Variants in RABL2B observed in about 807,000 individuals in gnomAD.
RABL2B encodes RAB, member of RAS oncogene family like 2B.
RABL2B carries 17 observed loss-of-function variants against 26.7 expected under a neutral mutation model. The ratio of observed to expected loss-of-function variants is 0.64; its 90% confidence interval spans 0.44 to 0.95. The LOEUF (loss-of-function observed/expected upper bound fraction) is 0.95, where lower values mean the gene tolerates loss of function less well. Among genes scored for constraint, RABL2B ranks in the 40% least tolerant of loss-of-function variants. RABL2B has a pLI of 0.00. For missense variants in RABL2B, 170 were observed against 277.2 expected, an observed-to-expected ratio of 0.61 and a Z score of 2.75; for synonymous variants, 70 against 103.9, an observed-to-expected ratio of 0.67 and a Z score of 1.99.
intron 2 of RABL2B, among the ~76,000 whole-genome samples, chr22:50,779,281 A>G (rs561705446): frequency 4.6e-5 from 7 of 151,516 alleles, no homozygotes; most frequent in Non-Finnish European, 1.0e-4. Flanking sequence ...CCAGCTCGGC[A>G]GGCCTGAGCT....
At chr22:50,782,474 A>G in intron 1 of RABL2B, 127 bp from the exon 2 acceptor site, 1 of 1,443,968 alleles carries the variant, frequency 6.9e-7, no homozygotes, top group Non-Finnish European at 9.4e-7. Context: ...ATTGACTACT[A>G]GACTTGGAGT....
At chr22:50,781,640 C>G (rs1166474434) in intron 2 of RABL2B, among the ~76,000 whole-genome samples, 3 of 152,128 alleles carry the variant, frequency 2.0e-5, no homozygotes, top group African/African-American at 7.2e-5. Context: ...CTCAGCAGTC[C>G]TAGGCGTGAG....
At chr22:50,770,729 C>G (rs2084016841) in intron 5 of RABL2B, among the ~76,000 whole-genome samples, 1 of 151,716 alleles carries the variant, frequency 6.6e-6, no homozygotes, top group Admixed American at 6.6e-5. Context: ...TAGAGTTTTA[C>G]TTTAGTTACT....
intron 2 of RABL2B, among the ~76,000 whole-genome samples, chr22:50,779,028 AT>A (rs2085402696): frequency 6.6e-6 from 1 of 151,504 alleles, no homozygotes. Context: ...AGAGGTTAAG[AT>A]GGTCAATGAA....
chr22:50,769,687 C>T, intron 6 of RABL2B, 135 bp from the exon 7 acceptor site: 5 of 1,460,242 alleles, frequency 3.4e-6, no homozygotes, highest in East Asian at 2.3e-5. Flanking sequence ...CTAGAAAGAG[C>T]TCAGTTAATA....
chr22:50,778,966 A>G (rs1288932201), intron 2 of RABL2B, among the ~76,000 whole-genome samples: 2 of 151,178 alleles, frequency 1.3e-5, no homozygotes, highest in Middle Eastern at 3.4e-3. Context: ...TAAAGAAAAC[A>G]CATCATCTTC....
At chr22:50,770,665 G>A (rs1251978660) in intron 5 of RABL2B, among the ~76,000 whole-genome samples, 4 of 151,766 alleles carry the variant, frequency 2.6e-5, no homozygotes, top group African/African-American at 4.8e-5. Context: ...TAGTCCTCTT[G>A]TATTTATTGC....
Position 50,770,024 on chromosome 22 carries a change from G to C in RABL2B, c.298-8C>G. The C allele has an allele frequency of 6.2e-7, 1 of 1,613,872 alleles. No homozygotes were observed. Among genetic ancestry groups the C allele is most frequent in the Admixed American group, 1.7e-5 (1 of 59,996 alleles). ...CCTCTGTACATCAAACACCTGCAAA[G>C]GGCAGAGGAAGAAAGATAGCTCAGG... On this transcript the variant is annotated splice_polypyrimidine_tract_variant and splice_region_variant and intron_variant, in intron 5 of 8. Transcript: ENST00000691320.
At chr22:50,772,430 C>G in intron 5 of RABL2B, 2 of 985,864 alleles carry the variant, frequency 2.0e-6, no homozygotes, top group Non-Finnish European at 2.4e-6. Flanking sequence ...CTACAGTGAG[C>G]CTTCATGCCC....
intron 5 of RABL2B, among the ~76,000 whole-genome samples, chr22:50,773,333 G>A (rs1190871844): frequency 3.9e-5 from 6 of 152,210 alleles, no homozygotes; most frequent in Non-Finnish European, 7.3e-5. Context: ...GGCAGTCGGG[G>A]GAATTAGGTG....
At chr22:50,770,159 C>T (rs1303067582) in intron 5 of RABL2B, 143 bp from the exon 6 acceptor site, 64 of 1,384,068 alleles carry the variant, frequency 4.6e-5, no homozygotes, top group East Asian at 1.3e-4. Context: ...CCTCTCTGAC[C>T]GCAGAGGCTG....
Position 50,768,827 on chromosome 22 carries a change from C to T in RABL2B, c.639G>A (p.Gln213=), listed in dbSNP as rs538796451. Residue 213 remains glutamine (Q), a synonymous_variant, in exon 9 of 9, where the codon CAG becomes CAA. Coordinates refer to ENST00000691320, the MANE Select transcript of RABL2B (RefSeq NM_001130919.3). ...CTGATGGGGTCTCGATGCTGCTGCT[C>T]TGTTCCTGGTCTGGCACGTCCTCCT... ...QEEEDVPDQE[Q]SSSIETPSEE... 6.2e-7 allele frequency: 1 copy of T among 1,613,726 alleles called. No individual in the cohort carries two copies. The highest frequency in any genetic ancestry group is 2.2e-5 in the East Asian group (1 of 44,876).
intron 2 of RABL2B, chr22:50,780,647 T>G: frequency 2.1e-6 from 1 of 470,324 alleles, no homozygotes; most frequent in Non-Finnish European, 4.4e-6. Flanking sequence ...CCATGGTCTT[T>G]GTATCTGGGA....
Position 50,768,735 on chromosome 22 carries a change from G to C in RABL2B, c.*41C>G. The C allele has an allele frequency of 6.2e-7, 1 of 1,602,846 alleles. No individual in the cohort carries two copies. Reference sequence around the variant, plus strand: ...GAGCTGGAGAGTTGTTGAAGGGAAGGGTATTTTAAAAGGGCTCCACCCACC... The same window carrying C: ...GAGCTGGAGAGTTGTTGAAGGGAAGCGTATTTTAAAAGGGCTCCACCCACC... On this transcript the variant is annotated 3_prime_UTR_variant, in exon 9 of 9. Transcript: ENST00000691320.
intron 5 of RABL2B, chr22:50,772,254 C>A (rs1251359797): frequency 3.4e-6 from 3 of 888,114 alleles, no homozygotes; most frequent in African/African-American, 3.6e-5. Flanking sequence ...GTCTCGAACT[C>A]CTGACCTCAG....
rs1164566792 is a variant in RABL2B at position 50,769,300 on chromosome 22, A to G, written c.507+155T>C. On this transcript the variant is annotated intron_variant, in intron 7 of 8. Transcript: ENST00000691320. ...ATGGTCAATGGACTTCTGCCTCATC[A>G]AGTCCAGGCCCATCAGCTCCTCCCC... 223 of 1,476,740 alleles carry G rather than the reference A, an allele frequency of 1.5e-4. No homozygotes were observed. In the East Asian group the frequency reaches 5.1e-3, roughly 34 times the overall value. The allele number at this position is 1,476,740 out of a possible 1,614,324, so 91.5% of individuals were successfully genotyped here. A position where few individuals can be genotyped will look rare whatever the true frequency, so the allele number is the denominator to read the frequency against.
rs1464419123 is a variant in RABL2B at position 50,768,025 on chromosome 22, C to T, written c.*751G>A. 4.8e-4 allele frequency: 134 copies of T among 278,848 alleles called. No individual in the cohort carries two copies. Among genetic ancestry groups the T allele is most frequent in the African/African-American group, 2.9e-3 (121 of 42,388 alleles). 17.3% of individuals were successfully genotyped at this position (278,848 alleles called of 1,614,324 possible). ...ATCCCAGCACTTTGGGAGGCCGAGG[C>T]GGGCGGATCACGAGGTGAGGAGATC... On this transcript the variant is annotated 3_prime_UTR_variant, in exon 9 of 9. Coordinates refer to ENST00000691320, the MANE Select transcript of RABL2B (RefSeq NM_001130919.3).
At position 50,767,790 on chromosome 22, in the gene RABL2B, G is replaced by A. The variant is rs547513257; in HGVS notation, c.*986C>T. On this transcript the variant is annotated 3_prime_UTR_variant, in exon 9 of 9. Transcript: ENST00000691320. ...CTTGTAGTCCAAATGGACGTACCTT[G>A]TGGTATGGCTGTAAGGACTCGATTT... 2 of 453,140 alleles carry A rather than the reference G, an allele frequency of 4.4e-6. No individual in the cohort carries two copies. The highest frequency in any genetic ancestry group is 4.4e-6 in the Non-Finnish European group (1 of 226,030). 28.1% of individuals were successfully genotyped at this position (453,140 alleles called of 1,614,324 possible). A position where few individuals can be genotyped will look rare whatever the true frequency, so the allele number is the denominator to read the frequency against.
chr22:50,776,874 A>C, intron 3 of RABL2B, 125 bp from the exon 4 acceptor site: 1 of 1,461,306 alleles, frequency 6.8e-7, no homozygotes, highest in East Asian at 2.5e-5. Flanking sequence ...TTGAGATTTT[A>C]AATCAAATGA....
Sources: allele counts gnomAD v4.1 joint callset (sites outside exome capture counted in the v4.1 genomes callset), GRCh38; gene constraint gnomAD v4.1.1; transcripts MANE v1.5; gene names NCBI Gene and HGNC (gene_info 2026-07-23, HGNC 2026-07-21).